APBA1: variants seen among roughly 807,000 people sequenced by gnomAD.
The protein encoded by APBA1 is amyloid-beta A4 precursor protein-binding family A member 1.
A neutral mutation model predicts 86.6 loss-of-function variants in APBA1; 55 were observed. That is an observed-to-expected ratio of 0.64 (90% CI 0.51 to 0.80). The LOEUF (loss-of-function observed/expected upper bound fraction) is 0.80. Ranked by LOEUF, APBA1 falls within the 30% of genes least tolerant of loss-of-function variation. The pLI, the probability that APBA1 is intolerant of heterozygous loss-of-function variation, is 0.00. For synonymous variants in APBA1, 511 were observed against 493.9 expected (o/e 1.03, Z -0.46); for missense variants, 1,090 against 1,183.0 (o/e 0.92, Z 1.15).
At chr9:69,597,709 C>G (rs1231997796) in intron 1 of APBA1, among the ~76,000 whole-genome samples, 1 of 152,176 alleles carries the variant, frequency 6.6e-6, no homozygotes, top group Admixed American at 6.6e-5. Flanking sequence ...AGGAAGGGAT[C>G]CAGTTTCAGC....
chr9:69,567,955 G>T (rs900135972), intron 1 of APBA1, among the ~76,000 whole-genome samples: 1 of 152,160 alleles, frequency 6.6e-6, no homozygotes, highest in Admixed American at 6.5e-5. Flanking sequence ...AGAATCCCAG[G>T]AATGTTCCAG....
chr9:69,538,889 C>T (rs1189431410), intron 1 of APBA1, among the ~76,000 whole-genome samples: 1 of 152,226 alleles, frequency 6.6e-6, no homozygotes, highest in Non-Finnish European at 1.5e-5. Flanking sequence ...TTCTGCTCCA[C>T]TGAATCAGCT....
chr9:69,523,416 A>G (rs530805974), intron 1 of APBA1, among the ~76,000 whole-genome samples: 42 of 148,126 alleles, frequency 2.8e-4, no homozygotes, highest in East Asian at 1.6e-3. Context: ...GCATTACATA[A>G]TGATAAAGGG....
chr9:69,528,875 T>C (rs1836382494), intron 1 of APBA1, among the ~76,000 whole-genome samples: 1 of 152,064 alleles, frequency 6.6e-6, no homozygotes. Context: ...ATGAAAACAG[T>C]GATATCAGGC....
intron 1 of APBA1, among the ~76,000 whole-genome samples, chr9:69,645,156 A>G (rs1470127022): frequency 1.3e-5 from 2 of 152,172 alleles, no homozygotes; most frequent in African/African-American, 2.4e-5. Context: ...GAAAGGAGAT[A>G]CTGAGAAATT....
At chr9:69,436,386 T>G (rs370811114) in intron 11 of APBA1, among the ~76,000 whole-genome samples, 1 of 151,692 alleles carries the variant, frequency 6.6e-6, no homozygotes, top group Non-Finnish European at 1.5e-5. Context: ...GCCATTTTCA[T>G]GATATTGATT....
At chr9:69,543,957 G>A (rs1836658330) in intron 1 of APBA1, among the ~76,000 whole-genome samples, 1 of 152,100 alleles carries the variant, frequency 6.6e-6, no homozygotes, top group Non-Finnish European at 1.5e-5. Context: ...GACATAAATT[G>A]TAGGCCTCTC....
At chr9:69,640,821 G>A (rs771761582) in intron 1 of APBA1, among the ~76,000 whole-genome samples, 46 of 151,906 alleles carry the variant, frequency 3.0e-4, no homozygotes, top group Non-Finnish European at 5.0e-4. Context: ...AGCTAACACC[G>A]CACTTAATGG....
chr9:69,475,049 C>T (rs971650073), intron 3 of APBA1, among the ~76,000 whole-genome samples: 7 of 152,280 alleles, frequency 4.6e-5, no homozygotes, highest in Non-Finnish European at 7.4e-5. Flanking sequence ...CAGATTATGG[C>T]GCAGACCAAC....
At chr9:69,446,558 C>T (rs1166095942) in intron 10 of APBA1, among the ~76,000 whole-genome samples, 2 of 152,234 alleles carry the variant, frequency 1.3e-5, no homozygotes, top group Non-Finnish European at 2.9e-5. Flanking sequence ...AGACAGAGCT[C>T]CGTCTGTACT....
At chr9:69,489,836 A>G (rs1835673840) in intron 2 of APBA1, among the ~76,000 whole-genome samples, 1 of 152,142 alleles carries the variant, frequency 6.6e-6, no homozygotes, top group Admixed American at 6.5e-5. Flanking sequence ...CAGGTGCTAG[A>G]GAGGATGTGG....
In APBA1 at chr9:69,467,894, G is replaced by C; in HGVS notation, c.1411C>G (p.Leu471Val). The C allele has an allele frequency of 6.2e-7, 1 of 1,614,188 alleles. No homozygotes were observed. The highest frequency in any genetic ancestry group is 1.7e-5 in the Admixed American group (1 of 60,028). Residue 471 changes from leucine to valine, a missense_variant, in exon 5 of 13, where the codon CTG (leucine) becomes GTG (valine). Around this residue, in one of 6 missense-constraint regions of APBA1, gnomAD observed 76 missense variants for 122.2 expected, o/e 0.62. Transcript: ENST00000265381. Reference protein sequence around the residue: ...FAANYLGSTQLLSDKTPSKNV... With the variant: ...FAANYLGSTQVLSDKTPSKNV... ...TTGGAAGGAGTTTTGTCTGAGAGCA[G>C]CTGAGTGGAGCCAAGGTAATTGGCG...
At chr9:69,456,586 A>C (rs1271544714) in intron 7 of APBA1, among the ~76,000 whole-genome samples, 154 bp from the exon 8 acceptor site, 1 of 152,182 alleles carries the variant, frequency 6.6e-6, no homozygotes, top group African/African-American at 2.4e-5. Context: ...ACGGATACCC[A>C]CCCAGGCCGG....
At chr9:69,632,970 T>TC (rs1219092421) in intron 1 of APBA1, among the ~76,000 whole-genome samples, 2 of 149,952 alleles carry the variant, frequency 1.3e-5, no homozygotes, top group African/African-American at 4.9e-5. Flanking sequence ...TTCCTCTAGC[T>TC]CCCCCCCTGC....
intron 5 of APBA1, chr9:69,462,396 C>T (rs756873007): frequency 2.6e-5 from 4 of 152,140 alleles, no homozygotes; most frequent in Non-Finnish European, 4.4e-5. Flanking sequence ...ATGAGTCCCA[C>T]GTTGTTAGGG....
chr9:69,581,216 C>T (rs1293127268), intron 1 of APBA1, among the ~76,000 whole-genome samples: 1 of 152,164 alleles, frequency 6.6e-6, no homozygotes, highest in African/African-American at 2.4e-5. Context: ...GCATTTTCCC[C>T]TCACCCTGCC....
At chr9:69,668,476 T>C (rs1379922189) in intron 1 of APBA1, among the ~76,000 whole-genome samples, 2 of 152,152 alleles carry the variant, frequency 1.3e-5, no homozygotes, top group Non-Finnish European at 2.9e-5. Context: ...TCCCCTACTT[T>C]GACAATAGAG....
At chr9:69,616,641 A>G (rs902170097) in intron 1 of APBA1, among the ~76,000 whole-genome samples, 25 of 152,172 alleles carry the variant, frequency 1.6e-4, no homozygotes, top group Non-Finnish European at 3.2e-4. Context: ...AGGTAGACCT[A>G]TCCTGAAAAA....
In APBA1 at chr9:69,500,790, A is replaced by G. The variant is rs1835869677; in HGVS notation, c.1200+15221T>C. Among the ~76,000 whole-genome samples the G allele has an allele frequency of 2.6e-5, 4 of 152,214 alleles. No homozygotes were observed. In the South Asian group the frequency reaches 8.3e-4, roughly 32 times the overall value. ...CTTGAAATCTATGTTTAAAGAGCGA[A>G]GCCCGGACTTTATCTAATCGGAATG... On this transcript the variant is annotated intron_variant, in intron 2 of 12. Coordinates refer to ENST00000265381, the MANE Select transcript of APBA1 (RefSeq NM_001163.4).
Sources: allele counts gnomAD v4.1 joint callset (sites outside exome capture counted in the v4.1 genomes callset), GRCh38; gene constraint gnomAD v4.1.1; regional missense constraint gnomAD v4.1.1; transcripts MANE v1.5; gene names NCBI Gene and HGNC (gene_info 2026-07-23, HGNC 2026-07-21).